TRAM2: variants seen among roughly 807,000 people sequenced by gnomAD.
The protein encoded by TRAM2 is translocating chain-associated membrane protein 2.
Under a neutral mutation model 51.0 loss-of-function variants are expected in TRAM2, and 12 were observed. That is an observed-to-expected ratio of 0.24 (90% CI 0.15 to 0.38). The LOEUF is 0.38. Among genes scored for constraint, TRAM2 ranks in the 10% least tolerant of loss-of-function variants. The pLI is 1.00. For missense variants in TRAM2, 361 were observed against 462.0 expected (o/e 0.78, Z 2.00); for synonymous variants, 175 against 179.4 (o/e 0.98, Z 0.20).
chr6:52,560,920 G>A (rs1471306486), intron 1 of TRAM2, among the ~76,000 whole-genome samples: 1 of 152,126 alleles, frequency 6.6e-6, no homozygotes, highest in Non-Finnish European at 1.5e-5. Flanking sequence ...AACTGAACAC[G>A]ACATCCACAC....
chr6:52,556,436 A>C (rs1767407533), intron 1 of TRAM2, among the ~76,000 whole-genome samples: 1 of 152,010 alleles, frequency 6.6e-6, no homozygotes, highest in South Asian at 2.1e-4. Flanking sequence ...ATGTGCCACA[A>C]CACCCAGCTA....
chr6:52,574,564 G>A (rs776517278), intron 1 of TRAM2, among the ~76,000 whole-genome samples: 1 of 152,208 alleles, frequency 6.6e-6, no homozygotes, highest in Non-Finnish European at 1.5e-5. Context: ...GGTTCAAGGT[G>A]CTATGGGAAG....
At chr6:52,548,393 C>T (rs1767247734) in intron 1 of TRAM2, among the ~76,000 whole-genome samples, 2 of 152,236 alleles carry the variant, frequency 1.3e-5, no homozygotes, top group African/African-American at 4.8e-5. Context: ...TGACATCTAA[C>T]GTGTGAGATC....
At chr6:52,556,162 G>C (rs1767401059) in intron 1 of TRAM2, among the ~76,000 whole-genome samples, 1 of 152,046 alleles carries the variant, frequency 6.6e-6, no homozygotes, top group Admixed American at 6.5e-5. Flanking sequence ...TGGCTCTTGG[G>C]GGAGGGCATT....
intron 2 of TRAM2, chr6:52,524,431 A>G (rs957112064): frequency 6.6e-6 from 1 of 151,272 alleles, no homozygotes; most frequent in Admixed American, 6.6e-5. Flanking sequence ...GGTACACAAG[A>G]CACAACAGGG....
rs201290806 is a variant in TRAM2, at chr6:52,505,685, G to A, written c.789C>T (p.Ala263=). ...GVTRLFILTL[A]VLAIGFGLAR... is the part of the protein sequence containing the mutation. ...CCAGTCCAAAGCCAATGGCCAGCAC[G>A]GCAAGGGTGAGGATGAAGAGGCGGG... Residue 263 remains alanine, a synonymous_variant, in exon 9 of 11, where the codon GCC becomes GCT. Transcript: ENST00000182527. The A allele has an allele frequency of 4.5e-5, 73 of 1,613,694 alleles. No individual in the cohort carries two copies. The Middle Eastern group carries it at 1.2e-3, about 26-fold the overall frequency.
At chr6:52,528,621 G>C (rs1766826139) in intron 2 of TRAM2, among the ~76,000 whole-genome samples, 1 of 152,168 alleles carries the variant, frequency 6.6e-6, no homozygotes, top group East Asian at 1.9e-4. Context: ...GAGAACAATG[G>C]CCAAGCTATA....
intron 4 of TRAM2, 57 bp downstream of exon 4, chr6:52,515,949 C>A: frequency 2.0e-6 from 3 of 1,469,672 alleles, no homozygotes; most frequent in South Asian, 2.3e-5. Flanking sequence ...AATCCCAGAG[C>A]TGGAATTGCC....
chr6:52,500,445 C>A lies in TRAM2; in HGVS notation c.*2752G>T, dbSNP rs1766187276. The A allele has an allele frequency of 6.6e-6, 1 of 151,842 alleles. No individual in the cohort carries two copies. Among genetic ancestry groups the A allele is most frequent in the African/African-American group, 2.4e-5 (1 of 41,270 alleles). The allele number at this position is 151,842 out of a possible 1,614,324, so 9.4% of individuals were successfully genotyped here. A position where few individuals can be genotyped will look rare whatever the true frequency, so the allele number is the denominator to read the frequency against. On this transcript the variant is annotated 3_prime_UTR_variant, in exon 11 of 11. Transcript: ENST00000182527. ...GGGGTGACAAAGTACCCTACAACTA[C>A]CCTCTAACCACCCCCCCCAAACATC... is the stretch of plus-strand genomic sequence containing the variant.
rs577279380 is a variant in TRAM2 at position 52,535,922 on chromosome 6, C to G, written c.121-76G>C. The G allele has an allele frequency of 2.6e-4, 322 of 1,261,408 alleles. 2 individuals are homozygous for G. The African/African-American group carries it at 4.0e-3, about 16-fold the overall frequency. 78.1% of individuals were successfully genotyped at this position (1,261,408 alleles called of 1,614,324 possible). A position where few individuals can be genotyped will look rare whatever the true frequency, so the allele number is the denominator to read the frequency against. The stretch of plus-strand genomic sequence containing the variant: ...GAAACAAGTGGAAGCTGCTAACCGC[C>G]CCTTTTACATCTTAGACCCTCAAAC... On this transcript the variant is annotated intron_variant, in intron 1 of 10. Transcript: ENST00000182527.
intron 1 of TRAM2, among the ~76,000 whole-genome samples, chr6:52,541,223 C>A (rs1767074715): frequency 6.6e-6 from 1 of 152,214 alleles, no homozygotes; most frequent in Non-Finnish European, 1.5e-5. Context: ...GTTTACTCAT[C>A]TATTAATAAC....
At chr6:52,572,826 T>C (rs1235391320) in intron 1 of TRAM2, among the ~76,000 whole-genome samples, 1 of 152,160 alleles carries the variant, frequency 6.6e-6, no homozygotes, top group Non-Finnish European at 1.5e-5. Context: ...CCATTGTATA[T>C]GCTACAAACA....
At chr6:52,556,777 A>C (rs1767413788) in intron 1 of TRAM2, among the ~76,000 whole-genome samples, 1 of 151,662 alleles carries the variant, frequency 6.6e-6, no homozygotes, top group Non-Finnish European at 1.5e-5. Flanking sequence ...AAAATACAAA[A>C]ATTAGCTGGG....
At chr6:52,536,772 G>A (rs531649391) in intron 1 of TRAM2, among the ~76,000 whole-genome samples, 3 of 152,322 alleles carry the variant, frequency 2.0e-5, no homozygotes, top group African/African-American at 4.8e-5. Context: ...AGGTGGGCCT[G>A]AGAACCACCA....
In TRAM2 at chr6:52,545,013, G is replaced by A. The variant is rs116757485; in HGVS notation, c.121-9167C>T. 5.2e-3 allele frequency among the ~76,000 whole-genome samples: 788 copies of A among 152,266 alleles called. 8 individuals are homozygous for A. The highest frequency in any genetic ancestry group is 0.017 in the African/African-American group (725 of 41,542). Reference sequence around the variant, plus strand: ...CTCTCTCACATACACAGTTATATACGTATAAAATCTCATTAGACTAACTTG... The same window carrying A: ...CTCTCTCACATACACAGTTATATACATATAAAATCTCATTAGACTAACTTG... On this transcript the variant is annotated intron_variant, in intron 1 of 10. Transcript: ENST00000182527.
At chr6:52,570,365 G>C (rs1376057811) in intron 1 of TRAM2, among the ~76,000 whole-genome samples, 1 of 152,158 alleles carries the variant, frequency 6.6e-6, no homozygotes, top group Admixed American at 6.5e-5. Flanking sequence ...AAGACCTACA[G>C]ACATTACTTC....
chr6:52,509,810 A>G (rs1021471151), intron 4 of TRAM2, among the ~76,000 whole-genome samples: 8 of 152,156 alleles, frequency 5.3e-5, no homozygotes, highest in Non-Finnish European at 1.0e-4. Context: ...CCACGCTCTG[A>G]GGTCCAACGA....
rs570780030 is a variant in TRAM2, at chr6:52,519,641, G to C, written c.185-2904C>G. 6.6e-5 allele frequency among the ~76,000 whole-genome samples: 10 copies of C among 152,292 alleles called. No homozygotes were observed. The East Asian group carries it at 1.2e-3, about 18-fold the overall frequency. ...CACATATTTCAGTAATTCCACTTCT[G>C]AGTGTTGGGGTAATTGAAGGCCAGA... On this transcript the variant is annotated intron_variant, in intron 2 of 10. Coordinates refer to ENST00000182527, the MANE Select transcript of TRAM2 (RefSeq NM_012288.4).
intron 2 of TRAM2, among the ~76,000 whole-genome samples, chr6:52,529,043 A>G (rs1766836134): frequency 6.6e-6 from 1 of 151,992 alleles, no homozygotes; most frequent in Non-Finnish European, 1.5e-5. Context: ...AGTGCCCACC[A>G]CCACGCCCGG....
Sources: allele counts gnomAD v4.1 joint callset (sites outside exome capture counted in the v4.1 genomes callset), GRCh38; gene constraint gnomAD v4.1.1; transcripts MANE v1.5; gene names NCBI Gene and HGNC (gene_info 2026-07-23, HGNC 2026-07-21).